Variants in CAP2 observed in about 807,000 individuals in gnomAD.
CAP2 encodes adenylyl cyclase-associated protein 2.
A neutral mutation model predicts 57.7 loss-of-function variants in CAP2; 24 were observed. That is an observed-to-expected ratio of 0.42 (90% confidence interval 0.30 to 0.58). The LOEUF (loss-of-function observed/expected upper bound fraction) is 0.58, where lower values mean the gene tolerates loss of function less well. Ranked by LOEUF, CAP2 falls within the 20% of genes least tolerant of loss-of-function variation. The pLI, the probability that CAP2 is intolerant of heterozygous loss-of-function variation, is 0.22. For missense variants in CAP2, 501 were observed against 590.3 expected, an observed-to-expected ratio of 0.85 and a Z score of 1.57; for synonymous variants, 194 against 207.2, an observed-to-expected ratio of 0.94 and a Z score of 0.55.
At chr6:17,443,259 A>C (rs1387213625) in intron 3 of CAP2, among the ~76,000 whole-genome samples, 3 of 152,096 alleles carry the variant, frequency 2.0e-5, no homozygotes, top group Non-Finnish European at 4.4e-5. Flanking sequence ...CTAAAAAAAG[A>C]AGAAAAAAAT....
chr6:17,414,287 A>T (rs1294631354), intron 1 of CAP2, among the ~76,000 whole-genome samples: 1 of 126,318 alleles, frequency 7.9e-6, no homozygotes, highest in African/African-American at 5.7e-5. Flanking sequence ...TTTCTTCTTA[A>T]AAAAAACACT....
intron 3 of CAP2, among the ~76,000 whole-genome samples, chr6:17,437,898 A>AT (rs1263516843): frequency 6.6e-6 from 1 of 152,176 alleles, no homozygotes; most frequent in Non-Finnish European, 1.5e-5. Context: ...AAAGGGTCAC[A>AT]TATCACTTTT....
At chr6:17,537,668 G>A (rs78466669) in intron 7 of CAP2, among the ~76,000 whole-genome samples, 5,960 of 152,210 alleles carry the variant, frequency 0.039, 411 homozygotes, top group African/African-American at 0.13. Context: ...GAAAATTGAT[G>A]AGTCCAAGCC....
intron 6 of CAP2, among the ~76,000 whole-genome samples, chr6:17,509,600 G>A (rs952632887): frequency 1.2e-4 from 18 of 151,980 alleles, no homozygotes; most frequent in Non-Finnish European, 1.5e-4. Context: ...ACTTGAACCC[G>A]GGAGGCGGAG....
intron 6 of CAP2, among the ~76,000 whole-genome samples, chr6:17,512,319 C>T (rs1762175698): frequency 6.6e-6 from 1 of 151,802 alleles, no homozygotes; most frequent in Non-Finnish European, 1.5e-5. Context: ...TCACTTGAGC[C>T]CAGGAGGTTG....
intron 3 of CAP2, among the ~76,000 whole-genome samples, chr6:17,449,400 T>A (rs2113575732): frequency 6.6e-6 from 1 of 152,240 alleles, no homozygotes; most frequent in Middle Eastern, 3.4e-3. Context: ...TGTGCAATTA[T>A]TTTATTATTA....
chr6:17,423,344 A>G (rs1759495941), intron 2 of CAP2, among the ~76,000 whole-genome samples: 1 of 152,238 alleles, frequency 6.6e-6, no homozygotes. Flanking sequence ...GAAGGCTGCC[A>G]GGAGCCTGTA....
chr6:17,406,448 C>T (rs1439544619), intron 1 of CAP2, among the ~76,000 whole-genome samples: 2 of 139,614 alleles, frequency 1.4e-5, no homozygotes, highest in Admixed American at 7.6e-5. Context: ...GGCTGGAGTG[C>T]AAGGGTGCAA....
intron 7 of CAP2, chr6:17,530,944 C>A (rs545224827): frequency 6.5e-7 from 1 of 1,550,080 alleles, no homozygotes; most frequent in Non-Finnish European, 8.8e-7. Flanking sequence ...CTGTTGCCAG[C>A]ATCTCCACCT....
At chr6:17,542,759 G>A in intron 9 of CAP2, 78 bp from the exon 10 acceptor site, 1 of 1,138,084 alleles carries the variant, frequency 8.8e-7, no homozygotes, top group South Asian at 1.4e-5. Flanking sequence ...TTCATGCTGA[G>A]CTCGTACTAA....
chr6:17,411,655 G>T (rs1442347592), intron 1 of CAP2, among the ~76,000 whole-genome samples: 2 of 152,208 alleles, frequency 1.3e-5, no homozygotes, highest in Non-Finnish European at 2.9e-5. Flanking sequence ...TTCTTATTGA[G>T]TGTAAAAGTT....
At chr6:17,553,590 G>A (rs1194431505) in intron 12 of CAP2, among the ~76,000 whole-genome samples, 4 of 149,244 alleles carry the variant, frequency 2.7e-5, no homozygotes, top group African/African-American at 7.5e-5. Flanking sequence ...CTGAGATCAC[G>A]CCACTGCACT....
intron 7 of CAP2, among the ~76,000 whole-genome samples, chr6:17,523,653 A>G (rs1014914246): frequency 4.6e-5 from 7 of 152,224 alleles, no homozygotes; most frequent in Non-Finnish European, 7.3e-5. Context: ...CTATAGGGAA[A>G]ACAGGCTGGC....
At chr6:17,527,221 G>A (rs574647418) in intron 7 of CAP2, among the ~76,000 whole-genome samples, 12 of 152,212 alleles carry the variant, frequency 7.9e-5, no homozygotes, top group Middle Eastern at 3.4e-3. Context: ...GAATTTAGTG[G>A]TAGTTCAGAC....
chr6:17,397,512 G>T (rs961858867), intron 1 of CAP2, among the ~76,000 whole-genome samples: 1 of 151,656 alleles, frequency 6.6e-6, no homozygotes, highest in African/African-American at 2.4e-5. Flanking sequence ...GGCTAACGTG[G>T]TGAAACCCCA....
intron 4 of CAP2, among the ~76,000 whole-genome samples, chr6:17,468,265 C>A (rs1239696699): frequency 6.6e-6 from 1 of 152,200 alleles, no homozygotes; most frequent in African/African-American, 2.4e-5. Flanking sequence ...TGGTGACCCC[C>A]AATTTCAAAT....
chr6:17,397,924 G>A (rs113016360), intron 1 of CAP2, among the ~76,000 whole-genome samples: 4,643 of 139,214 alleles, frequency 0.033, 241 homozygotes, highest in African/African-American at 0.11. Context: ...ATTTTAATGG[G>A]AAAAAAAAAA....
intron 4 of CAP2, among the ~76,000 whole-genome samples, chr6:17,499,366 T>A (rs1425972152): frequency 8.2e-6 from 1 of 122,582 alleles, no homozygotes; most frequent in Non-Finnish European, 1.6e-5. Flanking sequence ...GCCATTGCAC[T>A]CCAGCCTGGG....
chr6:17,455,576 C>T (rs925427027), intron 3 of CAP2, among the ~76,000 whole-genome samples: 12 of 151,772 alleles, frequency 7.9e-5, no homozygotes, highest in Non-Finnish European at 1.8e-4. Flanking sequence ...CGCTCTGTCG[C>T]CCAGGCTGGA....
Sources: allele counts gnomAD v4.1 joint callset (sites outside exome capture counted in the v4.1 genomes callset), GRCh38; gene constraint gnomAD v4.1.1; transcripts MANE v1.5; gene names NCBI Gene and HGNC (gene_info 2026-07-23, HGNC 2026-07-21).